Variants in GCNT1 observed in about 807,000 individuals in gnomAD.
The protein encoded by GCNT1 is glucosaminyl (N-acetyl) transferase 1.
A neutral mutation model predicts 26.2 loss-of-function variants in GCNT1; 16 were observed. The observed-to-expected ratio is 0.61, with a 90% CI of 0.41 to 0.93. GCNT1 has a LOEUF of 0.93. Ranked by LOEUF, GCNT1 falls within the 40% of genes least tolerant of loss-of-function variation. The pLI, the probability that GCNT1 is intolerant of heterozygous loss-of-function variation, is 0.00. For synonymous variants in GCNT1, 183 were observed against 190.8 expected (o/e 0.96, Z 0.34); for missense variants, 477 against 526.7 (o/e 0.91, Z 0.92).
Position 76,422,186 on chromosome 9 carries a change from G to C in GCNT1, n.38+2299G>C, listed in dbSNP as rs1823205494. ...TTCAATTATTAATACCTCCCACCGGGTCCCTCTCACGACACATGGAGATTA... is the reference window on the plus strand; with the variant it reads ...TTCAATTATTAATACCTCCCACCGGCTCCCTCTCACGACACATGGAGATTA... On this transcript the variant is annotated intron_variant and non_coding_transcript_variant, in intron 1 of 3. Coordinates refer to the GCNT1 transcript ENST00000488136. Among the ~76,000 whole-genome samples, 3 of 152,030 alleles carry C rather than the reference G, an allele frequency of 2.0e-5. No individual in the cohort carries two copies. In the South Asian group the frequency reaches 6.2e-4, roughly 32 times the overall value.
upstream of GCNT1, among the ~76,000 whole-genome samples, chr9:76,436,943 C>T (rs1249939883): frequency 6.6e-6 from 1 of 151,996 alleles, no homozygotes; most frequent in African/African-American, 2.4e-5. Flanking sequence ...GAGCATCACA[C>T]ACCAGGGCCT....
At chr9:76,453,153 C>G (rs952677263) in intron 1 of GCNT1, among the ~76,000 whole-genome samples, 5 of 152,144 alleles carry the variant, frequency 3.3e-5, no homozygotes, top group Admixed American at 6.5e-5. Context: ...TCTGTTCAGC[C>G]ATCTCCTGTT....
chr9:76,488,304 T>G (rs1008863159), intron 2 of GCNT1, among the ~76,000 whole-genome samples: 4 of 152,226 alleles, frequency 2.6e-5, no homozygotes, highest in Admixed American at 1.3e-4. Context: ...AGTTGACGAC[T>G]TCTTTCCTTT....
chr9:76,490,668 A>T (rs1376495235), intron 2 of GCNT1, among the ~76,000 whole-genome samples: 2 of 152,358 alleles, frequency 1.3e-5, no homozygotes, highest in East Asian at 3.9e-4. Flanking sequence ...ATTGGTATAG[A>T]TGGCTCCTTC....
chr9:76,459,962 C>T (rs369792301), intron 1 of GCNT1, 98 bp from the exon 2 acceptor site: 19 of 152,126 alleles, frequency 1.2e-4, no homozygotes, highest in African/African-American at 4.6e-4. Flanking sequence ...TCTCTTTCCT[C>T]TTTTTTTTAA....
intron 1 of GCNT1, among the ~76,000 whole-genome samples, chr9:76,430,319 T>C (rs1331334289): frequency 1.3e-5 from 2 of 152,212 alleles, no homozygotes. Flanking sequence ...TTATTGTTTC[T>C]ATTTTAATTT....
At chr9:76,474,659 T>C (rs958301877) in intron 2 of GCNT1, among the ~76,000 whole-genome samples, 3 of 152,222 alleles carry the variant, frequency 2.0e-5, no homozygotes, top group Non-Finnish European at 4.4e-5. Context: ...GCAGAGGATG[T>C]GTAAGTGAAG....
chr9:76,467,155 G>C (rs1407941245), intron 2 of GCNT1, among the ~76,000 whole-genome samples: 1 of 151,996 alleles, frequency 6.6e-6, no homozygotes, highest in Non-Finnish European at 1.5e-5. Flanking sequence ...CGATTCTCCT[G>C]CCTCAGCCTC....
intron 1 of GCNT1, among the ~76,000 whole-genome samples, chr9:76,432,924 T>C (rs555014924): frequency 6.6e-6 from 1 of 152,244 alleles, no homozygotes; most frequent in South Asian, 2.1e-4. Context: ...GTGCCTTTGT[T>C]TTAGGCTTTT....
chr9:76,398,183 T>C, the GCNT1 span, among the ~76,000 whole-genome samples: 1 of 152,152 alleles, frequency 6.6e-6, no homozygotes, highest in Non-Finnish European at 1.5e-5. Flanking sequence ...AACTGGCAGC[T>C]TGTGAGGGAA....
At chr9:76,413,750 T>TCCAGCATATGTA in the GCNT1 span, among the ~76,000 whole-genome samples, 1 of 151,520 alleles carries the variant, frequency 6.6e-6, no homozygotes, top group South Asian at 2.1e-4. Flanking sequence ...GACATTAATT[T>TCCAGCATATGTA]GTGGAAAGTC....
At chr9:76,411,901 C>T in the GCNT1 span, among the ~76,000 whole-genome samples, 5 of 151,846 alleles carry the variant, frequency 3.3e-5, no homozygotes, top group South Asian at 6.2e-4. Flanking sequence ...AAGGTTTCAC[C>T]ATGTTGGCCA....
chr9:76,441,915 A>C (rs1406825605), exon 1 of GCNT1: 1 of 152,226 alleles, frequency 6.6e-6, no homozygotes, highest in Middle Eastern at 3.2e-3. Context: ...ATGATTTTTT[A>C]AAAACTTAAT....
the GCNT1 span, chr9:76,394,058 G>A: frequency 1.3e-5 from 21 of 1,561,500 alleles, no homozygotes; most frequent in Admixed American, 3.4e-4. Context: ...CACGTGACCC[G>A]GCCCGGGGGA....
At chr9:76,483,701 G>A (rs980120037) in intron 2 of GCNT1, among the ~76,000 whole-genome samples, 2 of 152,106 alleles carry the variant, frequency 1.3e-5, no homozygotes. Context: ...ACGATAACAG[G>A]CACAAGCCAC....
upstream of GCNT1, among the ~76,000 whole-genome samples, chr9:76,441,074 CA>C (rs1823478016): frequency 7.0e-6 from 1 of 141,936 alleles, no homozygotes. Flanking sequence ...CAAAAAAAAA[CA>C]AAAAAACCTA....
chr9:76,466,329 T>A (rs1408075902), intron 2 of GCNT1, among the ~76,000 whole-genome samples: 2 of 152,204 alleles, frequency 1.3e-5, no homozygotes, highest in Admixed American at 6.5e-5. Flanking sequence ...TTTGACAGGA[T>A]CTCTCTCCAT....
the GCNT1 span, among the ~76,000 whole-genome samples, chr9:76,406,190 T>C: frequency 6.6e-6 from 1 of 152,216 alleles, no homozygotes; most frequent in Non-Finnish European, 1.5e-5. Flanking sequence ...GTGAAGTGTC[T>C]GTTCAGGTCT....
At chr9:76,396,687 C>T in the GCNT1 span, among the ~76,000 whole-genome samples, 7 of 151,956 alleles carry the variant, frequency 4.6e-5, no homozygotes, top group Admixed American at 2.6e-4. Flanking sequence ...ACAAAAAATA[C>T]AAAAATTAGC....
Sources: allele counts gnomAD v4.1 joint callset (sites outside exome capture counted in the v4.1 genomes callset), GRCh38; gene constraint gnomAD v4.1.1; transcripts MANE v1.5; gene names NCBI Gene and HGNC (gene_info 2026-07-23, HGNC 2026-07-21).